FAT1: variants seen among roughly 807,000 people sequenced by gnomAD.
FAT1 encodes the protein protocadherin Fat 1.
A neutral mutation model predicts 329.8 loss-of-function variants in FAT1; 171 were observed. That is an observed-to-expected ratio of 0.52 (90% confidence interval 0.46 to 0.59). The LOEUF (loss-of-function observed/expected upper bound fraction) is 0.59. FAT1 is among the 20% of genes least tolerant of loss of function. FAT1 has a pLI of 0.00. For synonymous variants in FAT1, 2,233 were observed against 2,228.6 expected, an observed-to-expected ratio of 1.00 and a Z score of -0.06; for missense variants, 5,672 against 5,774.4, an observed-to-expected ratio of 0.98 and a Z score of 0.57.
At chr4:186,626,572 C>T (rs920013692) in intron 9 of FAT1, among the ~76,000 whole-genome samples, 2 of 142,528 alleles carry the variant, frequency 1.4e-5, no homozygotes, top group African/African-American at 5.3e-5. Context: ...CACCAGCCCA[C>T]AGAATGAATG....
At chr4:186,686,031 G>C (rs1406016402) in intron 2 of FAT1, among the ~76,000 whole-genome samples, 2 of 152,112 alleles carry the variant, frequency 1.3e-5, no homozygotes, top group Non-Finnish European at 2.9e-5. Context: ...AAATATCTAT[G>C]GGCAGTCAGC....
intron 1 of FAT1, among the ~76,000 whole-genome samples, chr4:186,715,409 A>C (rs1745166468): frequency 1.3e-5 from 2 of 152,246 alleles, no homozygotes; most frequent in Non-Finnish European, 2.9e-5. Context: ...TACTCTGCAA[A>C]CTTGGCTAAC....
chr4:186,622,438 G>A (rs763128779), intron 9 of FAT1, among the ~76,000 whole-genome samples: 1 of 152,118 alleles, frequency 6.6e-6, no homozygotes, highest in African/African-American at 2.4e-5. Context: ...ACTACTTGTC[G>A]GAAGAGGGTG....
At chr4:186,593,500 G>T (rs576683119) in intron 26 of FAT1, among the ~76,000 whole-genome samples, 14 of 152,286 alleles carry the variant, frequency 9.2e-5, no homozygotes, top group African/African-American at 2.9e-4. Flanking sequence ...TGTTGACGCG[G>T]TTCAGATAAG....
chr4:186,711,416 A>T (rs1051742017), intron 1 of FAT1, among the ~76,000 whole-genome samples: 2 of 152,116 alleles, frequency 1.3e-5, no homozygotes, highest in African/African-American at 4.8e-5. Context: ...TTCTCCCAAA[A>T]CTATCTCTTT....
Position 186,620,151 on chromosome 4 carries a change from G to A in FAT1, c.6435C>T (p.Thr2145=). The A allele has an allele frequency of 6.2e-7, 1 of 1,614,018 alleles. No homozygotes were observed. Among genetic ancestry groups the A allele is most frequent in the Non-Finnish European group, 8.5e-7 (1 of 1,179,904 alleles). The change falls in exon 10 of 27, where the codon ACC becomes ACT. Residue 2145 remains threonine, a synonymous_variant. Coordinates refer to ENST00000441802, the MANE Select transcript of FAT1 (RefSeq NM_005245.4). ...ISLKKQFELD[T]LNKEYLVTVV... is the part of the protein sequence containing the mutation. Reference sequence around the variant, plus strand: ...CTGTAACAAGATATTCTTTATTTAAGGTGTCAAGCTCAAATTGCTTTTTCA... The same window carrying A: ...CTGTAACAAGATATTCTTTATTTAAAGTGTCAAGCTCAAATTGCTTTTTCA...
Position 186,631,257 on chromosome 4 carries a change from A to G in FAT1, c.4323+2427T>C, listed in dbSNP as rs144411391. 6.6e-3 allele frequency among the ~76,000 whole-genome samples: 934 copies of G among 141,782 alleles called. 9 individuals are homozygous for G. The highest frequency in any genetic ancestry group is 0.022 in the African/African-American group (839 of 37,740). The allele number at this position is 141,782 out of a possible 152,430, so 93.0% of individuals were successfully genotyped here. On this transcript the variant is annotated intron_variant, in intron 7 of 26. Transcript: ENST00000441802. ...CCTCTGCTCTTCAATCCATCCCCGC[A>G]GTATCCTAGTGTCTCATCTCCCAGC...
rs185406112 is a variant in FAT1, at chr4:186,620,525, G to T, written c.6061C>A (p.Arg2021Ser). The change falls in exon 10 of 27, where the codon CGC becomes AGC. Residue 2021 changes from arginine (R) to serine (S), a missense_variant. By Grantham distance (110) the Arg-to-Ser change is moderately radical (BLOSUM62 -1). Around this residue, in one of 2 missense-constraint regions of FAT1, gnomAD observed 3,966 missense variants for 3,915.2 expected, o/e 1.01. Transcript: ENST00000441802. Reference protein sequence around the residue: ...PLFYHILNPDRRFKISRTSGV... With the variant: ...PLFYHILNPDSRFKISRTSGV... ...GAAGTGCGGCTTATTTTAAATCTGC[G>T]ATCTGGGTTGAGGATGTGATAAAAC... is the stretch of plus-strand genomic sequence containing the variant. 2.5e-6 allele frequency: 4 copies of T among 1,613,850 alleles called. No homozygotes were observed. In the African/African-American group the frequency reaches 5.3e-5, roughly 22 times the overall value.
intron 2 of FAT1, among the ~76,000 whole-genome samples, chr4:186,702,912 C>T (rs572563985): frequency 6.6e-6 from 1 of 152,320 alleles, no homozygotes; most frequent in East Asian, 1.9e-4. Context: ...CTTTACTCCG[C>T]TAAACATCTT....
upstream of FAT1, among the ~76,000 whole-genome samples, chr4:186,725,811 A>G (rs947962994): frequency 1.7e-4 from 26 of 152,206 alleles, no homozygotes; most frequent in African/African-American, 5.1e-4. The surrounding 1 kb of genome is among the most constrained non-coding windows in gnomAD (Gnocchi z 5.4). Context: ...AGACGGTTCC[A>G]GAAACAAAAC....
At position 186,709,554 on chromosome 4, in the gene FAT1, C is replaced by T. The variant is rs1579492423; in HGVS notation, c.274G>A (p.Asp92Asn). 6.2e-7 allele frequency: 1 copy of T among 1,613,998 alleles called. No homozygotes were observed. Among genetic ancestry groups the T allele is most frequent in the African/African-American group, 1.3e-5 (1 of 75,036 alleles). Residue 92 changes from aspartate to asparagine, a missense_variant, in exon 2 of 27, where the codon GAC becomes AAC. Physicochemically the swap from Asp to Asn is conservative, Grantham distance 23. Transcript: ENST00000441802. ...GTCCTTATTCTTAGAAAGCAAAAGT[C>T]TCCGAGAATGTACTCTTCAGCTTTG... ...LFKAEEYILGDFCFLRIRTKG... is the reference protein window; with the variant it reads ...LFKAEEYILGNFCFLRIRTKG...
chr4:186,645,996 CACACACACAT>C lies in FAT1; in HGVS notation c.3581-6223_3581-6214del, dbSNP rs1247587210. Among the ~76,000 whole-genome samples the C allele has an allele frequency of 3.0e-4, 44 of 147,158 alleles. 1 individual carries two copies. Among genetic ancestry groups the C allele is most frequent in the Middle Eastern group, 3.5e-3 (1 of 284 alleles). ...ACACACACACACACACACACACACA[CACACACACAT>C]GAAAGATGGCAGCTAGAAAAGGAAA... On this transcript the variant is annotated intron_variant, in intron 3 of 26. Transcript: ENST00000441802.
intron 3 of FAT1, among the ~76,000 whole-genome samples, chr4:186,652,774 G>C (rs1021663693): frequency 6.6e-6 from 1 of 151,924 alleles, no homozygotes; most frequent in African/African-American, 2.4e-5. Flanking sequence ...TTCAGTATTC[G>C]TTCCAGCCAC....
In FAT1 at chr4:186,706,987, CAT is replaced by C. The variant is rs1372721434; in HGVS notation, c.2839_2840del (p.Met947ValfsTer8). ...REDLPEGTVI[M>X]WLEAHDPDLG... is the part of the protein sequence containing the mutation. ...AATCAGGATCGTGGGCTTCTAACCA[CAT>C]GATGACGGTTCCTTCTGGAAGATCC... On this transcript the variant is annotated frameshift_variant, in exon 2 of 27. Transcript: ENST00000441802. LOFTEE classifies it high-confidence loss of function. 1 of 1,614,020 alleles carries C rather than the reference CAT, an allele frequency of 6.2e-7. No homozygotes were observed. The highest frequency in any genetic ancestry group is 1.6e-4 in the Middle Eastern group (1 of 6,062).
chr4:186,669,335 T>A (rs1167481265), intron 2 of FAT1, among the ~76,000 whole-genome samples: 1 of 152,182 alleles, frequency 6.6e-6, no homozygotes, highest in African/African-American at 2.4e-5. Context: ...GAGGTTGCCG[T>A]GCACACGCAG....
intron 3 of FAT1, among the ~76,000 whole-genome samples, chr4:186,641,322 C>T (rs924816458): frequency 7.9e-5 from 12 of 152,190 alleles, no homozygotes; most frequent in East Asian, 5.8e-4. Flanking sequence ...ACAGTGCTTA[C>T]GGGTGTAAAA....
At position 186,596,694 on chromosome 4, in the gene FAT1, G is replaced by A. The variant is rs1388880480; in HGVS notation, c.12846C>T (p.Pro4282=). ...SFEGSAIPEH[P]EFSTFNPESV... is the part of the protein sequence containing the mutation. ...ACTCGGGGTTAAAAGTGCTGAATTC[G>A]GGATGCTCTGGGATAGCAGATCCTT... is the stretch of plus-strand genomic sequence containing the variant. The change falls in exon 25 of 27, where the codon CCC becomes CCT. Residue 4282 remains proline (P), a synonymous_variant. Coordinates refer to ENST00000441802, the MANE Select transcript of FAT1 (RefSeq NM_005245.4). This position sits in a 1 kb window ranked among gnomAD's most constrained non-coding sequence, Gnocchi z 4.7. The A allele has an allele frequency of 1.5e-5, 25 of 1,613,292 alleles. No individual in the cohort carries two copies. The highest frequency in any genetic ancestry group is 1.6e-4 in the Middle Eastern group (1 of 6,084).
chr4:186,666,904 A>G lies in FAT1; in HGVS notation c.3266-3291T>C, dbSNP rs112028190. Among the ~76,000 whole-genome samples, 357 of 152,318 alleles carry G rather than the reference A, an allele frequency of 2.3e-3. 2 individuals are homozygous for G. Among genetic ancestry groups the G allele is most frequent in the African/African-American group, 7.9e-3 (328 of 41,576 alleles). On this transcript the variant is annotated intron_variant, in intron 2 of 26. Coordinates refer to ENST00000441802, the MANE Select transcript of FAT1 (RefSeq NM_005245.4). ...GCAGAGCTGGAGTGTGAATACCACA[A>G]ATCTCATCTTCAGCGCCAGCAATAT... is the stretch of plus-strand genomic sequence containing the variant.
Position 186,600,318 on chromosome 4 carries a change from C to T in FAT1, c.11683G>A (p.Gly3895Ser). The T allele has an allele frequency of 1.9e-6, 3 of 1,613,566 alleles. No homozygotes were observed. Among genetic ancestry groups the T allele is most frequent in the Non-Finnish European group, 2.5e-6 (3 of 1,179,708 alleles). Residue 3895 changes from glycine (G) to serine (S), a missense_variant, in exon 22 of 27, where the codon GGC becomes AGC. Around this residue, in one of 2 missense-constraint regions of FAT1, gnomAD observed 1,706 missense variants for 1,859.1 expected, o/e 0.92. Coordinates refer to ENST00000441802, the MANE Select transcript of FAT1 (RefSeq NM_005245.4). ...CTCTGAACAGAGACAATTCCAGGGC[C>T]ACTTCCACAGTCAAACTTGTACTGC... ...RLQYKFDCGS[G>S]PGIVSVQSIQ...
Sources: gnomAD v4.1 joint callset for allele counts (sites outside exome capture counted in the v4.1 genomes callset) on GRCh38, gnomAD v4.1.1 for gene constraint, gnomAD v4.1.1 regional missense constraint, Gnocchi (gnomAD v3.1) non-coding constraint, MANE v1.5 for transcripts, NCBI Gene and HGNC (gene_info 2026-07-23, HGNC 2026-07-21) for gene names.